NBEA: variants seen among roughly 807,000 people sequenced by gnomAD.
NBEA encodes the protein neurobeachin, also known as lysosomal-trafficking regulator 2.
Under a neutral mutation model 343.4 loss-of-function variants are expected in NBEA, and 44 were observed. The ratio of observed to expected loss-of-function variants is 0.13; its 90% CI spans 0.10 to 0.16. The LOEUF (loss-of-function observed/expected upper bound fraction) is 0.16, where lower values mean the gene tolerates loss of function less well. Ranked by LOEUF, NBEA falls within the 10% of genes least tolerant of loss-of-function variation. NBEA has a pLI of 1.00. For synonymous variants in NBEA, 1,175 were observed against 1,238.7 expected, an observed-to-expected ratio of 0.95 and a Z score of 1.08; for missense variants, 2,555 against 3,631.3, an observed-to-expected ratio of 0.70 and a Z score of 7.62.
At chr13:35,657,213 C>T (rs1287818567) in intron 55 of NBEA, among the ~76,000 whole-genome samples, 1 of 152,150 alleles carries the variant, frequency 6.6e-6, no homozygotes, top group Non-Finnish European at 1.5e-5. Flanking sequence ...TCCTGTTGCC[C>T]ATAGCTAGAG....
At chr13:35,593,296 G>T (rs568233097) in intron 46 of NBEA, 32 bp from the exon 47 acceptor site, 6 of 1,609,252 alleles carry the variant, frequency 3.7e-6, no homozygotes, top group Non-Finnish European at 5.1e-6. Context: ...TGTTTAGAGT[G>T]GTCAAATTTC....
At chr13:35,373,623 TGAGCCCAGGAGGAA>T (rs2041571985) in intron 38 of NBEA, among the ~76,000 whole-genome samples, 1 of 151,782 alleles carries the variant, frequency 6.6e-6, no homozygotes, top group South Asian at 2.1e-4. Context: ...GAGGATCACT[TGAGCCCAGGAGGAA>T]GAGGTTGCAG....
intron 10 of NBEA, among the ~76,000 whole-genome samples, chr13:35,076,869 C>T (rs1484687035): frequency 6.6e-6 from 1 of 151,978 alleles, no homozygotes; most frequent in Non-Finnish European, 1.5e-5. Flanking sequence ...TCTTACATTA[C>T]CTTCCTTCAT....
chr13:35,032,610 G>A (rs1368263687), intron 1 of NBEA, among the ~76,000 whole-genome samples: 1 of 151,478 alleles, frequency 6.6e-6, no homozygotes, highest in Non-Finnish European at 1.5e-5. Flanking sequence ...TTACTCCATT[G>A]ATAGTGTACT....
intron 1 of NBEA, among the ~76,000 whole-genome samples, chr13:35,013,675 G>A (rs1027779677): frequency 7.9e-5 from 12 of 151,922 alleles, no homozygotes; most frequent in African/African-American, 2.9e-4. Context: ...CACCATGTTG[G>A]CCAGGCTGGT....
intron 36 of NBEA, among the ~76,000 whole-genome samples, chr13:35,311,859 C>T (rs1435697296): frequency 1.3e-5 from 2 of 151,484 alleles, no homozygotes; most frequent in African/African-American, 2.4e-5. Context: ...CGTCCCCCCA[C>T]CAAAAAAAAA....
chr13:35,142,122 CTG>C (rs529253940), intron 17 of NBEA, 145 bp from the exon 18 acceptor site: 35 of 468,326 alleles, frequency 7.5e-5, no homozygotes, highest in African/African-American at 6.1e-4. Context: ...GTGTTACAAA[CTG>C]TTGTTTCTAT....
intron 1 of NBEA, among the ~76,000 whole-genome samples, chr13:34,946,885 T>C (rs572630920): frequency 6.6e-6 from 1 of 151,236 alleles, no homozygotes; most frequent in Non-Finnish European, 1.5e-5. Flanking sequence ...GCAGTAACTC[T>C]TCTTCCTTAG....
chr13:35,045,720 T>TTGTTTTGTTG (rs2062826821), intron 4 of NBEA, among the ~76,000 whole-genome samples: 1 of 151,802 alleles, frequency 6.6e-6, no homozygotes, highest in Non-Finnish European at 1.5e-5. Context: ...TTGTTTTGTT[T>TTGTTTTGTTG]TGTTTTGTTT....
chr13:35,049,853 TTTC>T (rs201029202), intron 5 of NBEA, among the ~76,000 whole-genome samples: 33 of 149,980 alleles, frequency 2.2e-4, no homozygotes, highest in Admixed American at 1.9e-3. Flanking sequence ...CAAGTTTTTT[TTTC>T]TTTTTCTTTT....
chr13:35,415,109 G>C (rs1041203503), intron 38 of NBEA, among the ~76,000 whole-genome samples: 3 of 152,178 alleles, frequency 2.0e-5, no homozygotes, highest in African/African-American at 7.2e-5. Flanking sequence ...ATTTGTTTAA[G>C]TTCTTTGTAG....
intron 34 of NBEA, among the ~76,000 whole-genome samples, chr13:35,265,382 A>C (rs2033586534): frequency 6.6e-6 from 1 of 151,952 alleles, no homozygotes; most frequent in African/African-American, 2.4e-5. Context: ...TAAAATATGT[A>C]TGGAACCACA....
At chr13:35,193,182 A>G (rs776328425) in intron 30 of NBEA, among the ~76,000 whole-genome samples, 3 of 151,978 alleles carry the variant, frequency 2.0e-5, no homozygotes, top group Non-Finnish European at 4.4e-5. Flanking sequence ...TCTCTCAAAA[A>G]ATGTACAATC....
At chr13:35,292,643 T>G (rs183221118) in intron 35 of NBEA, among the ~76,000 whole-genome samples, 1 of 152,136 alleles carries the variant, frequency 6.6e-6, no homozygotes, top group East Asian at 1.9e-4. Flanking sequence ...AGCTCCATGT[T>G]ACTGTCATGA....
At chr13:35,512,765 C>G (rs1482147353) in intron 41 of NBEA, among the ~76,000 whole-genome samples, 1 of 152,198 alleles carries the variant, frequency 6.6e-6, no homozygotes. Flanking sequence ...GGCCAAACCA[C>G]GGACTATTGG....
chr13:35,316,805 A>G (rs777322353), intron 36 of NBEA, among the ~76,000 whole-genome samples: 2 of 152,058 alleles, frequency 1.3e-5, no homozygotes. Context: ...GCCATTCTAA[A>G]TGGTGTGAGA....
rs199505485 is a variant in NBEA, at chr13:35,475,788, A to T, written c.6585+3252A>T. ...GCGCCGAGAGGTAGCCGGAGGCGGT[A>T]ATGAATTCCACCCAGAGGGACATGC... is the stretch of plus-strand genomic sequence containing the variant. On this transcript the variant is annotated intron_variant, in intron 41 of 58. Transcript: ENST00000379939. The T allele has an allele frequency of 6.8e-6, 11 of 1,613,810 alleles. No homozygotes were observed. In the East Asian group the frequency reaches 1.6e-4, roughly 23 times the overall value.
At chr13:35,296,180 G>A (rs1464765896) in intron 35 of NBEA, among the ~76,000 whole-genome samples, 4 of 151,884 alleles carry the variant, frequency 2.6e-5, no homozygotes, top group Admixed American at 2.0e-4. Context: ...TCATGAGTTC[G>A]GGACCAGCCT....
intron 34 of NBEA, among the ~76,000 whole-genome samples, chr13:35,267,969 T>C (rs1486858273): frequency 6.6e-6 from 1 of 152,016 alleles, no homozygotes; most frequent in East Asian, 1.9e-4. Flanking sequence ...AAATTAAAAA[T>C]ATAATTACCA....
Sources: gnomAD v4.1 joint callset for allele counts (sites outside exome capture counted in the v4.1 genomes callset) on GRCh38, gnomAD v4.1.1 for gene constraint, MANE v1.5 for transcripts, NCBI Gene and HGNC (gene_info 2026-07-23, HGNC 2026-07-21) for gene names.